Variants in BMP6 observed in about 807,000 individuals in gnomAD.
BMP6 encodes VG-1-R.
Under a neutral mutation model 54.1 loss-of-function variants are expected in BMP6, and 17 were observed. The observed-to-expected ratio is 0.31, with a 90% CI of 0.22 to 0.47. BMP6 has a LOEUF of 0.47. Ranked by LOEUF, BMP6 falls within the 20% of genes least tolerant of loss-of-function variation. BMP6 has a pLI of 1.00. For missense variants in BMP6, 720 were observed against 690.4 expected (o/e 1.04, Z -0.48); for synonymous variants, 328 against 291.2 (o/e 1.13, Z -1.28).
chr6:7,839,385 G>A (rs1182599795), intron 1 of BMP6, among the ~76,000 whole-genome samples: 1 of 152,194 alleles, frequency 6.6e-6, no homozygotes, highest in Non-Finnish European at 1.5e-5. Flanking sequence ...CACATTGATT[G>A]TGCCACTATC....
At chr6:7,805,408 T>G (rs1758333574) in intron 1 of BMP6, among the ~76,000 whole-genome samples, 1 of 152,222 alleles carries the variant, frequency 6.6e-6, no homozygotes, top group East Asian at 1.9e-4. Flanking sequence ...TGTAGTCACC[T>G]TAAAAAGTAG....
chr6:7,872,973 C>G (rs1759553530), intron 4 of BMP6, among the ~76,000 whole-genome samples: 1 of 151,938 alleles, frequency 6.6e-6, no homozygotes, highest in Non-Finnish European at 1.5e-5. Flanking sequence ...CCACTATGTC[C>G]AGCTAATTTT....
At chr6:7,872,742 C>T (rs557663086) in intron 4 of BMP6, among the ~76,000 whole-genome samples, 1 of 152,104 alleles carries the variant, frequency 6.6e-6, no homozygotes, top group South Asian at 2.1e-4. Flanking sequence ...GTGGTGGTCT[C>T]TGCCTGTGTT....
intron 1 of BMP6, among the ~76,000 whole-genome samples, chr6:7,775,887 C>A (rs1561768270): frequency 6.6e-6 from 1 of 152,160 alleles, no homozygotes; most frequent in Non-Finnish European, 1.5e-5. Flanking sequence ...CCATTCTCTA[C>A]CTTCTAAGAA....
intron 1 of BMP6, among the ~76,000 whole-genome samples, chr6:7,743,792 C>A (rs1431530775): frequency 6.6e-6 from 1 of 152,214 alleles, no homozygotes; most frequent in East Asian, 1.9e-4. Flanking sequence ...TTCCATGATT[C>A]TCTAAGGTTC....
intron 1 of BMP6, among the ~76,000 whole-genome samples, chr6:7,754,402 C>T (rs1757478521): frequency 6.6e-6 from 1 of 152,196 alleles, no homozygotes; most frequent in Non-Finnish European, 1.5e-5. Context: ...AGCCACCACG[C>T]CCAGCCCAAA....
Position 7,859,775 on chromosome 6 carries a change from A to T in BMP6, c.858-1676A>T, listed in dbSNP as rs562787268. ...CACATCCACATCAGAGAGAGCTTTC[A>T]ACTGGGCAGGCCAGAATGTGGCCTC... is the stretch of plus-strand genomic sequence containing the variant. On this transcript the variant is annotated intron_variant, in intron 2 of 6. Transcript: ENST00000283147. Among the ~76,000 whole-genome samples the T allele has an allele frequency of 5.3e-5, 8 of 152,214 alleles. No homozygotes were observed. The East Asian group carries it at 1.5e-3, about 29-fold the overall frequency.
At chr6:7,793,337 A>C (rs1280169809) in intron 1 of BMP6, among the ~76,000 whole-genome samples, 1 of 150,970 alleles carries the variant, frequency 6.6e-6, no homozygotes. Context: ...CTGTAGAGAC[A>C]GTAAAAACAT....
chr6:7,872,642 G>A (rs1339664618), intron 4 of BMP6, among the ~76,000 whole-genome samples: 1 of 152,170 alleles, frequency 6.6e-6, no homozygotes, highest in African/African-American at 2.4e-5. Context: ...CAGAAACCCA[G>A]AACTGCTGGT....
At chr6:7,735,572 T>G (rs1293865105) in intron 1 of BMP6, among the ~76,000 whole-genome samples, 2 of 152,188 alleles carry the variant, frequency 1.3e-5, no homozygotes, top group Non-Finnish European at 2.9e-5. Context: ...AAGCTGTACA[T>G]TTTTTAGAAA....
intron 1 of BMP6, among the ~76,000 whole-genome samples, chr6:7,804,573 G>A (rs935263416): frequency 9.2e-5 from 14 of 152,172 alleles, no homozygotes; most frequent in Non-Finnish European, 1.8e-4. Flanking sequence ...TTTAGAACCC[G>A]AAGACACATG....
At chr6:7,774,221 C>T (rs780444169) in intron 1 of BMP6, among the ~76,000 whole-genome samples, 129 of 152,316 alleles carry the variant, frequency 8.5e-4, no homozygotes, top group Non-Finnish European at 5.6e-4. Context: ...TCTCAGGTTG[C>T]TTGCTCTCAT....
At chr6:7,742,794 C>A (rs4960352) in intron 1 of BMP6, among the ~76,000 whole-genome samples, 59,295 of 151,658 alleles carry the variant, frequency 0.39, 12,666 homozygotes, top group Non-Finnish European at 0.48. Context: ...TAGGCGCATA[C>A]AAGATGTGAT....
chr6:7,872,822 T>C (rs921161723), intron 4 of BMP6, among the ~76,000 whole-genome samples: 2 of 151,024 alleles, frequency 1.3e-5, no homozygotes, highest in Non-Finnish European at 3.0e-5. Flanking sequence ...TTCTTTTTTT[T>C]TTTTTTTTGA....
chr6:7,835,681 A>G (rs910881093), intron 1 of BMP6, among the ~76,000 whole-genome samples: 3 of 152,164 alleles, frequency 2.0e-5, no homozygotes, highest in African/African-American at 7.2e-5. Flanking sequence ...ACATTAATGG[A>G]ACTCTATCAA....
intron 1 of BMP6, among the ~76,000 whole-genome samples, chr6:7,758,101 A>T (rs1012104522): frequency 6.6e-6 from 1 of 152,228 alleles, no homozygotes; most frequent in Admixed American, 6.5e-5. Flanking sequence ...TACTCTTGCT[A>T]GTAGAGAAGA....
intron 1 of BMP6, among the ~76,000 whole-genome samples, chr6:7,764,144 G>A (rs970876645): frequency 6.6e-6 from 1 of 152,206 alleles, no homozygotes; most frequent in Non-Finnish European, 1.5e-5. Flanking sequence ...CCGTATTCCA[G>A]GAGAGGCCAT....
intron 1 of BMP6, among the ~76,000 whole-genome samples, chr6:7,776,314 C>T (rs1757860595): frequency 6.6e-6 from 1 of 152,152 alleles, no homozygotes; most frequent in Non-Finnish European, 1.5e-5. Context: ...CTAGTTGATC[C>T]TGGACTGGAA....
intron 1 of BMP6, among the ~76,000 whole-genome samples, chr6:7,774,011 G>A (rs774438621): frequency 3.9e-5 from 6 of 152,180 alleles, no homozygotes; most frequent in African/African-American, 7.2e-5. Context: ...CCAGAGAGAC[G>A]TGGTCATTCC....
Sources: gnomAD v4.1 joint callset for allele counts (sites outside exome capture counted in the v4.1 genomes callset) on GRCh38, gnomAD v4.1.1 for gene constraint, MANE v1.5 for transcripts, NCBI Gene and HGNC (gene_info 2026-07-23, HGNC 2026-07-21) for gene names.